Variants in RAB9B observed in about 807,000 individuals in gnomAD.
RAB9B encodes RAB9B, member RAS oncogene family.
In RAB9B, 1 loss-of-function variant was observed where a neutral mutation model predicts 8.9. That is an observed-to-expected ratio of 0.11 (90% CI 0.04 to 0.53). RAB9B has a LOEUF of 0.53. Ranked by LOEUF, RAB9B falls within the 20% of genes least tolerant of loss-of-function variation. RAB9B has a pLI of 0.93. For synonymous variants in RAB9B, 63 were observed against 57.0 expected (o/e 1.10, Z -0.47); for missense variants, 82 against 152.9 (o/e 0.54, Z 2.45).
At chrX:103,788,086 T>A in the RAB9B span, 1 of 590,331 alleles carries the variant, frequency 1.7e-6, no homozygotes, top group Non-Finnish European at 2.8e-6. Flanking sequence ...GATGAATGAT[T>A]GGGTCTTAGT....
the RAB9B span, among the ~76,000 whole-genome samples, chrX:103,801,681 G>C: frequency 5.4e-5 from 6 of 111,543 alleles, no homozygotes; most frequent in African/African-American, 2.0e-4. Flanking sequence ...GGCACAGATA[G>C]GTTAACTGCG....
At chrX:103,786,096 C>G in the RAB9B span, 1 of 1,068,757 alleles carries the variant, frequency 9.4e-7, no homozygotes, top group Non-Finnish European at 1.2e-6. Context: ...AGGCACTAAG[C>G]CTCTCCTGTT....
the RAB9B span, among the ~76,000 whole-genome samples, chrX:103,799,178 C>G: frequency 4.8e-5 from 5 of 104,377 alleles, no homozygotes; most frequent in African/African-American, 1.8e-4. Flanking sequence ...CACAGCAAAT[C>G]TGCTCAAATT....
At chrX:103,811,452 T>A in the RAB9B span, among the ~76,000 whole-genome samples, 3 of 112,030 alleles carry the variant, frequency 2.7e-5, no homozygotes, top group African/African-American at 9.7e-5. Context: ...AGAAATTAAT[T>A]TGGGCTCTTG....
At chrX:103,781,699 G>A in the RAB9B span, among the ~76,000 whole-genome samples, 1 of 112,355 alleles carries the variant, frequency 8.9e-6, no homozygotes. Context: ...AAACACTGGA[G>A]GGGGTCATTA....
At chrX:103,782,191 A>T in the RAB9B span, among the ~76,000 whole-genome samples, 1 of 112,455 alleles carries the variant, frequency 8.9e-6, no homozygotes, top group Admixed American at 9.4e-5. Flanking sequence ...CAAACATTTC[A>T]TCTAGGTTGT....
chrX:103,785,785 C>T, the RAB9B span: 3 of 1,159,453 alleles, frequency 2.6e-6, no homozygotes, highest in African/African-American at 3.6e-5. Context: ...ACCTGCCCTC[C>T]CACACAGACC....
chrX:103,786,467 T>C, the RAB9B span: 8 of 1,208,289 alleles, frequency 6.6e-6, no homozygotes, highest in Non-Finnish European at 9.0e-6. Flanking sequence ...TAATGCAGGA[T>C]CCATGCCTTC....
the RAB9B span, chrX:103,785,697 C>G: frequency 8.3e-7 from 1 of 1,207,969 alleles, no homozygotes. Flanking sequence ...ATGAAGCCCT[C>G]ACTGGCACAG....
At chrX:103,777,598 G>A in the RAB9B span, among the ~76,000 whole-genome samples, 6 of 112,117 alleles carry the variant, frequency 5.4e-5, no homozygotes, top group Admixed American at 9.5e-5. Flanking sequence ...ATATGTGCAT[G>A]TGTGTGCACA....
intron 1 of RAB9B, among the ~76,000 whole-genome samples, chrX:103,831,250 C>A (rs1170150745): frequency 9.1e-6 from 1 of 109,454 alleles, no homozygotes; most frequent in African/African-American, 3.3e-5. Context: ...CAATACAACC[C>A]AATACTTGGC....
intron 1 of RAB9B, among the ~76,000 whole-genome samples, chrX:103,827,548 T>C (rs1205000569): frequency 8.9e-6 from 1 of 112,399 alleles, no homozygotes; most frequent in Non-Finnish European, 1.9e-5. Flanking sequence ...GTCTCTGCAA[T>C]TGATTCCACA....
the RAB9B span, among the ~76,000 whole-genome samples, chrX:103,779,297 T>C: frequency 2.7e-5 from 3 of 112,406 alleles, no homozygotes; most frequent in South Asian, 1.1e-3. Context: ...AACCAGACTG[T>C]GATGCCTCCA....
the RAB9B span, among the ~76,000 whole-genome samples, chrX:103,783,054 CTG>C: frequency 3.6e-5 from 4 of 111,536 alleles, no homozygotes; most frequent in African/African-American, 1.3e-4. Context: ...AATGGCAGTA[CTG>C]TTTACTTCTA....
chrX:103,803,610 G>A, the RAB9B span, among the ~76,000 whole-genome samples: 4 of 112,159 alleles, frequency 3.6e-5, no homozygotes, highest in African/African-American at 1.3e-4. Flanking sequence ...ACTGAGTCTC[G>A]CTCTGTCGCC....
chrX:103,786,380 G>A, the RAB9B span: 2 of 1,078,281 alleles, frequency 1.9e-6, no homozygotes, highest in South Asian at 1.9e-5. Context: ...GCTCGCTCTG[G>A]TGTATACCTC....
chrX:103,796,850 A>G, the RAB9B span, among the ~76,000 whole-genome samples: 1 of 88,744 alleles, frequency 1.1e-5, no homozygotes, highest in Non-Finnish European at 2.1e-5. Flanking sequence ...GCCTCTACAA[A>G]AAAAAAAAAA....
chrX:103,787,176 C>G, the RAB9B span, among the ~76,000 whole-genome samples: 7 of 111,415 alleles, frequency 6.3e-5, no homozygotes, highest in Non-Finnish European at 1.3e-4. Flanking sequence ...GTTCTGGGAT[C>G]CTGCACAGTT....
the RAB9B span, among the ~76,000 whole-genome samples, chrX:103,807,507 A>G: frequency 8.9e-6 from 1 of 111,977 alleles, no homozygotes; most frequent in African/African-American, 3.2e-5. Flanking sequence ...CTCCCATAAT[A>G]AGAAGCAGAC....
Sources: allele counts gnomAD v4.1 joint callset (sites outside exome capture counted in the v4.1 genomes callset), GRCh38; gene constraint gnomAD v4.1.1; transcripts MANE v1.5; gene names NCBI Gene and HGNC (gene_info 2026-07-23, HGNC 2026-07-21).